ZNF560: variants seen among roughly 807,000 people sequenced by gnomAD.
ZNF560 encodes the protein zinc finger protein 560.
Under a neutral mutation model 81.8 loss-of-function variants are expected in ZNF560, and 54 were observed. The ratio of observed to expected loss-of-function variants is 0.66; its 90% CI spans 0.53 to 0.83. The LOEUF is 0.83. Among genes scored for constraint, ZNF560 ranks in the 40% least tolerant of loss-of-function variants. ZNF560 has a pLI of 0.00. For missense variants in ZNF560, 940 were observed against 932.4 expected, an observed-to-expected ratio of 1.01 and a Z score of -0.11; for synonymous variants, 321 against 317.9, an observed-to-expected ratio of 1.01 and a Z score of -0.10.
the ZNF560 span, among the ~76,000 whole-genome samples, chr19:9,447,529 TAATC>T: frequency 8.5e-4 from 129 of 152,174 alleles, 3 homozygotes; most frequent in East Asian, 0.024. Context: ...AAGAAGTAAT[TAATC>T]AAAGCTACAG....
intron 2 of ZNF560, among the ~76,000 whole-genome samples, chr19:9,494,838 C>T: frequency 6.6e-6 from 1 of 152,068 alleles, no homozygotes. Context: ...ACCCGGGAGG[C>T]AGAGGTTGTG....
chr19:9,488,842 C>T (rs945680278), intron 2 of ZNF560, among the ~76,000 whole-genome samples: 1 of 152,164 alleles, frequency 6.6e-6, no homozygotes, highest in Admixed American at 6.5e-5. Context: ...ATGATTGGAT[C>T]ATGGGGGCAG....
intron 2 of ZNF560, among the ~76,000 whole-genome samples, chr19:9,483,792 G>A (rs1221902749): frequency 6.6e-6 from 1 of 152,198 alleles, no homozygotes. Flanking sequence ...TCTGGGAGGT[G>A]TACCCAACAG....
At chr19:9,458,372 G>T in the ZNF560 span, among the ~76,000 whole-genome samples, 3 of 152,216 alleles carry the variant, frequency 2.0e-5, no homozygotes, top group Admixed American at 1.3e-4. Context: ...TCTAGTAATG[G>T]TAAAGCCTCT....
At chr19:9,472,668 A>C (rs535466214) in intron 5 of ZNF560, among the ~76,000 whole-genome samples, 36 of 152,340 alleles carry the variant, frequency 2.4e-4, no homozygotes, top group African/African-American at 7.9e-4. Flanking sequence ...ACATTATGGT[A>C]GAATTGTATA....
At position 9,467,106 on chromosome 19, in the gene ZNF560, T is replaced by A. The variant is rs765133150; in HGVS notation, c.1841A>T (p.Asp614Val). 6.2e-7 allele frequency: 1 copy of A among 1,613,850 alleles called. No individual in the cohort carries two copies. Among genetic ancestry groups the A allele is most frequent in the Non-Finnish European group, 8.5e-7 (1 of 1,179,986 alleles). Reference protein sequence around the residue: ...KCGKAFTERSDLTKHLRRHTG... With the variant: ...KCGKAFTERSVLTKHLRRHTG... Reference sequence around the variant, plus strand: ...GTGTCTTCGTAAATGTTTAGTAAGATCTGAGCGTTCTGTGAAGGCTTTTCC... The same window carrying A: ...GTGTCTTCGTAAATGTTTAGTAAGAACTGAGCGTTCTGTGAAGGCTTTTCC... The change falls in exon 10 of 10, where the codon GAT becomes GTT. Residue 614 changes from aspartate to valine, a missense_variant. Physicochemically the swap from Asp to Val is radical, Grantham distance 152. Transcript: ENST00000301480.
intron 2 of ZNF560, among the ~76,000 whole-genome samples, chr19:9,489,683 A>G (rs574309334): frequency 6.6e-6 from 1 of 151,822 alleles, no homozygotes; most frequent in Non-Finnish European, 1.5e-5. Flanking sequence ...TCCGCCTCCT[A>G]GGTTCACACC....
chr19:9,490,980 C>T (rs539854239), intron 2 of ZNF560, among the ~76,000 whole-genome samples: 2 of 152,296 alleles, frequency 1.3e-5, no homozygotes, highest in African/African-American at 4.8e-5. Flanking sequence ...CAAAACATTG[C>T]AACACTCCAT....
chr19:9,490,015 T>C (rs73501886), intron 2 of ZNF560, among the ~76,000 whole-genome samples: 2,332 of 152,324 alleles, frequency 0.015, 61 homozygotes, highest in African/African-American at 0.054. Flanking sequence ...GGTTGGATGA[T>C]TGAAACTTGT....
At chr19:9,495,361 TAAAC>T (rs1271187808) in intron 2 of ZNF560, among the ~76,000 whole-genome samples, 1 of 152,070 alleles carries the variant, frequency 6.6e-6, no homozygotes, top group Non-Finnish European at 1.5e-5. Flanking sequence ...ACACAAGAAT[TAAAC>T]AACACTCATA....
At chr19:9,483,893 CT>C (rs201248447) in intron 2 of ZNF560, among the ~76,000 whole-genome samples, 14,876 of 151,986 alleles carry the variant, frequency 0.098, 831 homozygotes, top group South Asian at 0.19. Flanking sequence ...CAGATTGTTG[CT>C]GTGTCTGTGT....
chr19:9,475,904 C>A (rs117455926), intron 2 of ZNF560, among the ~76,000 whole-genome samples: 138 of 152,264 alleles, frequency 9.1e-4, no homozygotes, highest in Middle Eastern at 3.4e-3. Flanking sequence ...CTGCACCTAG[C>A]CAGGTAAAGA....
intron 5 of ZNF560, among the ~76,000 whole-genome samples, chr19:9,472,455 C>T (rs575232348): frequency 1.2e-4 from 18 of 152,212 alleles, no homozygotes; most frequent in Middle Eastern, 3.4e-3. Flanking sequence ...TCCTGAGCTC[C>T]GCCTCTTGTC....
chr19:9,452,409 C>A, the ZNF560 span, among the ~76,000 whole-genome samples: 16 of 151,954 alleles, frequency 1.1e-4, 1 homozygote, highest in African/African-American at 3.9e-4. Context: ...GGTATATACC[C>A]AAAAGAAAAT....
intron 2 of ZNF560, among the ~76,000 whole-genome samples, chr19:9,484,288 T>C (rs1387211850): frequency 6.8e-6 from 1 of 148,040 alleles, no homozygotes; most frequent in South Asian, 2.1e-4. Context: ...GAATGATCAA[T>C]TAAAAAAAAA....
downstream of ZNF560, among the ~76,000 whole-genome samples, chr19:9,465,630 A>T (rs780095894): frequency 1.3e-5 from 2 of 152,230 alleles, no homozygotes; most frequent in African/African-American, 2.4e-5. Context: ...TTTTCTCACC[A>T]GTGTGAATTA....
At chr19:9,483,222 G>A (rs553151557) in intron 2 of ZNF560, among the ~76,000 whole-genome samples, 59 of 151,568 alleles carry the variant, frequency 3.9e-4, no homozygotes, top group African/African-American at 1.1e-3. Context: ...AGAGAGGAGC[G>A]TCTCTGCCCG....
the ZNF560 span, among the ~76,000 whole-genome samples, chr19:9,456,528 T>C: frequency 3.9e-5 from 6 of 152,084 alleles, no homozygotes; most frequent in Non-Finnish European, 8.8e-5. Flanking sequence ...ACTGGGTAAA[T>C]CAAATTACTG....
the ZNF560 span, among the ~76,000 whole-genome samples, chr19:9,445,926 G>A: frequency 6.6e-6 from 1 of 152,134 alleles, no homozygotes; most frequent in Non-Finnish European, 1.5e-5. Flanking sequence ...AGCTCTCAAA[G>A]TCTATGGTAT....
Sources: gnomAD v4.1 joint callset for allele counts (sites outside exome capture counted in the v4.1 genomes callset) on GRCh38, gnomAD v4.1.1 for gene constraint, MANE v1.5 for transcripts, NCBI Gene and HGNC (gene_info 2026-07-23, HGNC 2026-07-21) for gene names.